RASGEF1A: variants seen among roughly 807,000 people sequenced by gnomAD.
RASGEF1A encodes RasGEF domain family member 1A.
A neutral mutation model predicts 56.4 loss-of-function variants in RASGEF1A; 18 were observed. The observed-to-expected ratio is 0.32, with a 90% CI of 0.22 to 0.47. The LOEUF (loss-of-function observed/expected upper bound fraction) is 0.47. Among genes scored for constraint, RASGEF1A ranks in the 20% least tolerant of loss-of-function variants. RASGEF1A has a pLI of 1.00. For missense variants in RASGEF1A, 422 were observed against 627.1 expected, an observed-to-expected ratio of 0.67 and a Z score of 3.49; for synonymous variants, 245 against 242.6, an observed-to-expected ratio of 1.01 and a Z score of -0.09.
intron 1 of RASGEF1A, among the ~76,000 whole-genome samples, chr10:43,215,510 C>A (rs1045208635): frequency 6.6e-6 from 1 of 152,188 alleles, no homozygotes; most frequent in African/African-American, 2.4e-5. Flanking sequence ...GAGAGACCTG[C>A]GCACCTACCT....
In RASGEF1A at chr10:43,198,022, G is replaced by A. The variant is rs145048726; in HGVS notation, c.1206C>T (p.Asn402=). 1.3e-4 allele frequency: 207 copies of A among 1,612,450 alleles called. 2 individuals carry two copies. The South Asian group carries it at 1.9e-3, about 15-fold the overall frequency. The change falls in exon 10 of 13, where the codon AAC becomes AAT. Residue 402 remains asparagine, a synonymous_variant. Transcript: ENST00000395810. ...AGCTCACCTTAAAGTTAATGTGCCC[G>A]TTGGGCAGGTGGTTGGTATGGATTT... is the stretch of plus-strand genomic sequence containing the variant. ...LHKIHTNHLP[N]GHINFKKFWE... is the part of the protein sequence containing the mutation.
intron 1 of RASGEF1A, among the ~76,000 whole-genome samples, chr10:43,223,372 TA>T (rs940330893): frequency 1.4e-4 from 22 of 152,098 alleles, no homozygotes; most frequent in Non-Finnish European, 2.9e-4. Flanking sequence ...ACCCACTTCA[TA>T]AAAAAAATCC....
intron 1 of RASGEF1A, among the ~76,000 whole-genome samples, chr10:43,266,528 G>C (rs1836627210): frequency 6.6e-6 from 1 of 150,910 alleles, no homozygotes; most frequent in African/African-American, 2.4e-5. Context: ...CGCCCGCCGC[G>C]TGCGCTCCTG....
At chr10:43,238,574 G>A (rs550906599) in intron 1 of RASGEF1A, among the ~76,000 whole-genome samples, 1 of 152,352 alleles carries the variant, frequency 6.6e-6, no homozygotes, top group African/African-American at 2.4e-5. Flanking sequence ...ACACCAGGGT[G>A]CTGTGAGGGT....
chr10:43,241,195 T>TA (rs1342928927), intron 1 of RASGEF1A, among the ~76,000 whole-genome samples: 1 of 152,208 alleles, frequency 6.6e-6, no homozygotes, highest in Non-Finnish European at 1.5e-5. Context: ...TTAGTAAATA[T>TA]AAAAGATAGT....
chr10:43,262,341 A>G (rs1001839993), intron 1 of RASGEF1A, among the ~76,000 whole-genome samples: 29 of 152,182 alleles, frequency 1.9e-4, no homozygotes, highest in African/African-American at 6.3e-4. Context: ...ACACTTGGAG[A>G]AACAGAAGTG....
intron 1 of RASGEF1A, among the ~76,000 whole-genome samples, chr10:43,214,958 C>T (rs949483404): frequency 2.0e-5 from 3 of 152,192 alleles, no homozygotes; most frequent in Non-Finnish European, 4.4e-5. Flanking sequence ...ATGTGCAGGA[C>T]TGCCCAGGTC....
intron 2 of RASGEF1A, among the ~76,000 whole-genome samples, chr10:43,204,055 C>T (rs1335209876): frequency 1.3e-5 from 2 of 152,328 alleles, no homozygotes; most frequent in East Asian, 1.9e-4. Flanking sequence ...ACCACATCCA[C>T]GTGCCTTCCA....
At chr10:43,258,325 G>A (rs543510838) in intron 1 of RASGEF1A, among the ~76,000 whole-genome samples, 1 of 152,216 alleles carries the variant, frequency 6.6e-6, no homozygotes, top group Non-Finnish European at 1.5e-5. Context: ...TGGCCTCTCA[G>A]GAGGCTGAGG....
At position 43,200,222 on chromosome 10, in the gene RASGEF1A, A is replaced by C; in HGVS notation, c.716T>G (p.Met239Arg). ...RVSSIYPEDL[M>R]QIVSHMDSLD... is the part of the protein sequence containing the mutation. ...GGAGTCCATGTGGCTGACGATCTGCATCAAGTCCTCAGGGTAAATGCTGCT... is the reference window on the plus strand; with the variant it reads ...GGAGTCCATGTGGCTGACGATCTGCCTCAAGTCCTCAGGGTAAATGCTGCT... Residue 239 changes from methionine (M) to arginine (R), a missense_variant, in exon 6 of 13, where the codon ATG becomes AGG. Physicochemically the swap from Met to Arg is moderately conservative, Grantham distance 91. Transcript: ENST00000395810. 1 of 1,607,708 alleles carries C rather than the reference A, an allele frequency of 6.2e-7. No individual in the cohort carries two copies.
At chr10:43,200,079 G>T in intron 6 of RASGEF1A, 103 bp downstream of exon 6, 2 of 938,236 alleles carry the variant, frequency 2.1e-6, no homozygotes, top group Non-Finnish European at 3.3e-6. Context: ...GCACTCCGGA[G>T]ACGCTCGGGG....
chr10:43,253,613 G>C (rs559684149), intron 1 of RASGEF1A, among the ~76,000 whole-genome samples: 73 of 152,362 alleles, frequency 4.8e-4, no homozygotes, highest in African/African-American at 1.7e-3. Context: ...CTGGCTCGGA[G>C]CTGTAGGGAG....
At chr10:43,242,606 C>T (rs1419229243) in intron 1 of RASGEF1A, among the ~76,000 whole-genome samples, 1 of 152,194 alleles carries the variant, frequency 6.6e-6, no homozygotes, top group African/African-American at 2.4e-5. Flanking sequence ...GATCTCGGCT[C>T]GCTGCAACCT....
At chr10:43,198,451 G>A (rs1198804312) in intron 9 of RASGEF1A, among the ~76,000 whole-genome samples, 3 of 152,126 alleles carry the variant, frequency 2.0e-5, no homozygotes, top group East Asian at 1.9e-4. Context: ...CCTGACCCTC[G>A]CCCTCCTTCC....
intron 1 of RASGEF1A, among the ~76,000 whole-genome samples, chr10:43,256,118 G>A (rs767013908): frequency 6.6e-6 from 1 of 152,184 alleles, no homozygotes; most frequent in Non-Finnish European, 1.5e-5. Context: ...GACCCAGAGT[G>A]AACTGACTTT....
chr10:43,198,622 A>C (rs145845979), intron 9 of RASGEF1A, among the ~76,000 whole-genome samples: 80 of 152,374 alleles, frequency 5.3e-4, no homozygotes, highest in African/African-American at 1.8e-3. Flanking sequence ...TAGACCAGCC[A>C]GGACCTGGAG....
chr10:43,205,652 T>C (rs1839982189), intron 2 of RASGEF1A, among the ~76,000 whole-genome samples: 1 of 152,124 alleles, frequency 6.6e-6, no homozygotes, highest in Admixed American at 6.5e-5. Flanking sequence ...TGTTTCTGCT[T>C]CCCGTGTCCC....
At chr10:43,207,010 T>C in intron 1 of RASGEF1A, 2 of 985,514 alleles carry the variant, frequency 2.0e-6, no homozygotes, top group Non-Finnish European at 2.4e-6. Context: ...CTGGGAGTTC[T>C]TGTGAAGCCT....
At chr10:43,234,997 A>G (rs564666615) in intron 1 of RASGEF1A, among the ~76,000 whole-genome samples, 1 of 151,986 alleles carries the variant, frequency 6.6e-6, no homozygotes, top group East Asian at 1.9e-4. Flanking sequence ...TCAAAACCAC[A>G]CCTAAACACA....
Sources: gnomAD v4.1 joint callset for allele counts (sites outside exome capture counted in the v4.1 genomes callset) on GRCh38, gnomAD v4.1.1 for gene constraint, MANE v1.5 for transcripts, NCBI Gene and HGNC (gene_info 2026-07-23, HGNC 2026-07-21) for gene names.